Variants in AGRN observed in about 807,000 individuals in gnomAD.
The protein encoded by AGRN is agrin proteoglycan.
In AGRN, 106 loss-of-function variants were observed where a neutral mutation model predicts 211.0. That is an observed-to-expected ratio of 0.50 (90% CI 0.43 to 0.59). The LOEUF (loss-of-function observed/expected upper bound fraction) is 0.59. Among genes scored for constraint, AGRN ranks in the 20% least tolerant of loss-of-function variants. The probability of loss-of-function intolerance (pLI) is 0.00; values close to 1 mark genes in which losing one functional copy is unlikely to be tolerated. For missense variants in AGRN, 3,040 were observed against 2,982.6 expected (o/e 1.02, Z -0.45); for synonymous variants, 1,525 against 1,332.5 (o/e 1.14, Z -3.15).
intron 3 of AGRN, among the ~76,000 whole-genome samples, chr1:1,039,798 TGGG>T (rs1195097744): frequency 9.3e-6 from 1 of 107,092 alleles, no homozygotes; most frequent in African/African-American, 3.6e-5. Flanking sequence ...AAGAGTGAGG[TGGG>T]GGGCCGGGGG....
rs1645083268 is a variant in AGRN at position 1,046,078 on chromosome 1, A to G, written c.2795A>G (p.Asn932Ser). ...VCPMLTCPEANATKVCGSDGV... is the reference protein window; with the variant it reads ...VCPMLTCPEASATKVCGSDGV... ...CCGATGCTCACCTGTCCAGAGGCCA[A>G]CGCTACCAAGGTGAGGGGTGTGGGA... The change falls in exon 16 of 36, where the codon AAC becomes AGC. Residue 932 changes from asparagine (N) to serine (S), a missense_variant. Coordinates refer to ENST00000379370, the MANE Select transcript of AGRN (RefSeq NM_198576.4). 3 of 1,613,928 alleles carry G rather than the reference A, an allele frequency of 1.9e-6. No homozygotes were observed. Among genetic ancestry groups the G allele is most frequent in the Non-Finnish European group, 2.5e-6 (3 of 1,180,014 alleles).
chr1:1,029,628 C>CGTGTGT (rs548115072), intron 2 of AGRN, among the ~76,000 whole-genome samples: 2 of 94,086 alleles, frequency 2.1e-5, no homozygotes, highest in Admixed American at 2.0e-4. Flanking sequence ...GTGAGATCAG[C>CGTGTGT]ATGTGTGTGT....
chr1:1,052,570 G>A (rs910729166), intron 33 of AGRN: 3 of 202,976 alleles, frequency 1.5e-5, no homozygotes, highest in African/African-American at 2.4e-5. Context: ...AGGGAGACAC[G>A]CAGGTGTGTG....
chr1:1,053,991 C>G lies in AGRN; in HGVS notation c.5876+14C>G. On this transcript the variant is annotated intron_variant, in intron 34 of 35. Coordinates refer to ENST00000379370, the MANE Select transcript of AGRN (RefSeq NM_198576.4). ...CGTGGCACATAGGTGAGTAGGGAAC[C>G]CAGCGTGCCGAGAATAGTGGCGAGG... 2 of 1,582,686 alleles carry G rather than the reference C, an allele frequency of 1.3e-6. No homozygotes were observed. The highest frequency in any genetic ancestry group is 2.3e-5 in the South Asian group (2 of 87,272).
At chr1:1,026,076 T>C (rs1320919868) in intron 2 of AGRN, among the ~76,000 whole-genome samples, 1 of 151,810 alleles carries the variant, frequency 6.6e-6, no homozygotes, top group Non-Finnish European at 1.5e-5. Flanking sequence ...GATGACCTCT[T>C]TGAGAGGGCC....
At chr1:1,021,196 C>G (rs1386784718) in intron 1 of AGRN, among the ~76,000 whole-genome samples, 2 of 152,214 alleles carry the variant, frequency 1.3e-5, no homozygotes, top group Non-Finnish European at 2.9e-5. Context: ...GCTGGGCTCC[C>G]CCGCCGGCCC....
chr1:1,049,546 G>A lies in AGRN; in HGVS notation c.4515-20G>A, dbSNP rs370560913. The A allele has an allele frequency of 1.1e-4, 180 of 1,589,518 alleles. No homozygotes were observed. The highest frequency in any genetic ancestry group is 2.8e-4 in the African/African-American group (21 of 74,544). Reference sequence around the variant, plus strand: ...GCCTGTGGCCCCTGAGCCCTGACCCGGTGTCCCTCCTGGTGGCAGGGCGCT... The same window carrying A: ...GCCTGTGGCCCCTGAGCCCTGACCCAGTGTCCCTCCTGGTGGCAGGGCGCT... On this transcript the variant is annotated intron_variant, in intron 25 of 35. Transcript: ENST00000379370.
At chr1:1,020,494 A>G in intron 1 of AGRN, 121 bp downstream of exon 1, 1 of 1,010,720 alleles carries the variant, frequency 9.9e-7, no homozygotes, top group African/African-American at 1.7e-5. Context: ...TCCCTTGGCG[A>G]CCGCCAAGCC....
chr1:1,044,465 A>G (rs369275486), intron 12 of AGRN, 26 bp downstream of exon 12: 64 of 1,588,404 alleles, frequency 4.0e-5, no homozygotes, highest in Non-Finnish European at 5.1e-5. Flanking sequence ...GTGGGGTCTC[A>G]GGCACAGGCG....
rs768600820 is a variant in AGRN, at chr1:1,042,112, C to T, written c.1334C>T (p.Ala445Val). 2 of 1,602,054 alleles carry T rather than the reference C, an allele frequency of 1.2e-6. No individual in the cohort carries two copies. The highest frequency in any genetic ancestry group is 1.1e-5 in the South Asian group (1 of 90,994). Residue 445 changes from alanine to valine, a missense_variant, in exon 7 of 36, where the codon GCT becomes GTT. This residue lies in a region of AGRN where 1,498 missense variants were observed against 1,457.8 expected (regional missense o/e 1.03). Coordinates refer to ENST00000379370, the MANE Select transcript of AGRN (RefSeq NM_198576.4). Reference protein sequence around the residue: ...TYDSDCWRQQAECRQQRAIPS... With the variant: ...TYDSDCWRQQVECRQQRAIPS... ...GACAGTGATTGCTGGCGGCAGCAGGCTGAGTGCCGGCAGCAGCGTGCCATC... is the reference window on the plus strand; with the variant it reads ...GACAGTGATTGCTGGCGGCAGCAGGTTGAGTGCCGGCAGCAGCGTGCCATC...
intron 2 of AGRN, among the ~76,000 whole-genome samples, chr1:1,028,212 G>A (rs1394361531): frequency 6.6e-6 from 1 of 152,114 alleles, no homozygotes; most frequent in Non-Finnish European, 1.5e-5. Flanking sequence ...GGAAGAGAGG[G>A]CTGGGGCGCA....
rs202194761 is a variant in AGRN at position 1,047,865 on chromosome 1, C to A, written c.3721C>A (p.Leu1241Met). The change falls in exon 22 of 36, where the codon CTG (leucine) becomes ATG (methionine). Residue 1241 changes from leucine to methionine, a missense_variant. Coordinates refer to ENST00000379370, the MANE Select transcript of AGRN (RefSeq NM_198576.4). ...CCGGTCCTTGGGGGTGAGGCGGCCG[C>A]TGCAGGAGCACGTGCGATTTATGGA... ...RRRSLGVRRP[L>M]QEHVRFMDFD... is the part of the protein sequence containing the mutation. The A allele has an allele frequency of 3.1e-6, 5 of 1,606,148 alleles. No homozygotes were observed. The African/African-American group carries it at 5.3e-5, about 17-fold the overall frequency.
chr1:1,036,664 C>T (rs960574782), intron 3 of AGRN, among the ~76,000 whole-genome samples: 1 of 152,124 alleles, frequency 6.6e-6, no homozygotes, highest in African/African-American at 2.4e-5. Context: ...GGCTCTAGCC[C>T]TGCAACCTGT....
In AGRN at chr1:1,048,330, G is replaced by A; in HGVS notation, c.4070G>A (p.Cys1357Tyr). The A allele has an allele frequency of 1.4e-5, 21 of 1,475,222 alleles. No individual in the cohort carries two copies. The highest frequency in any genetic ancestry group is 1.9e-5 in the Non-Finnish European group (21 of 1,109,940). 91.4% of individuals were successfully genotyped at this position (1,475,222 alleles called of 1,614,324 possible). ...TTGGGCGGGGGCTTCACCTGCAGCT[G>A]CCCGGCAGGCAGGGGAGGCGCCGTC... ...WALGGGFTCSCPAGRGGAVCE... is the reference protein window; with the variant it reads ...WALGGGFTCSYPAGRGGAVCE... Residue 1357 changes from cysteine (C) to tyrosine (Y), a missense_variant, in exon 23 of 36, where the codon TGC (cysteine) becomes TAC (tyrosine). By Grantham distance (194) the Cys-to-Tyr change is radical. Coordinates refer to ENST00000379370, the MANE Select transcript of AGRN (RefSeq NM_198576.4). The surrounding 1 kb of genome is among the most constrained non-coding windows in gnomAD (Gnocchi z 5.9).
At chr1:1,044,924 C>T (rs777698665) in intron 12 of AGRN, among the ~76,000 whole-genome samples, 6 of 152,148 alleles carry the variant, frequency 3.9e-5, no homozygotes, top group African/African-American at 1.2e-4. Context: ...GCTGCGTGTC[C>T]GTGATCTTTG....
At chr1:1,040,976 C>A (rs866574438) in intron 4 of AGRN, 96 bp downstream of exon 4, 44 of 282,722 alleles carry the variant, frequency 1.6e-4, no homozygotes, top group African/African-American at 4.3e-4. Context: ...GGGGCGGGGG[C>A]AGGGGCGGGG....
At position 1,050,268 on chromosome 1, in the gene AGRN, G is replaced by A. The variant is rs1362706828; in HGVS notation, c.4915G>A (p.Asp1639Asn). 1.9e-6 allele frequency: 3 copies of A among 1,613,066 alleles called. No individual in the cohort carries two copies. Among genetic ancestry groups the A allele is most frequent in the East Asian group, 2.2e-5 (1 of 44,884 alleles). ...GGACGGCTCTGGGCCCTTCCTGGCT[G>A]ACTTCAACGGCTTCTCCCACCTGGA... is the stretch of plus-strand genomic sequence containing the variant. ...GQDGSGPFLA[D>N]FNGFSHLELR... Residue 1639 changes from aspartate to asparagine, a missense_variant, in exon 28 of 36, where the codon GAC becomes AAC. Physicochemically the swap from Asp to Asn is conservative, Grantham distance 23. This residue lies in a region of AGRN where 1,537 missense variants were observed against 1,505.0 expected (regional missense o/e 1.02). Transcript: ENST00000379370.
In AGRN at chr1:1,032,182, G is replaced by A. The variant is rs912686105; in HGVS notation, c.464-3095G>A. Reference sequence around the variant, plus strand: ...CTTTGACAGCTGCTCTGGATGGGACGTGGCTTGGGGTGGGTGAGAACCCTT... The same window carrying A: ...CTTTGACAGCTGCTCTGGATGGGACATGGCTTGGGGTGGGTGAGAACCCTT... On this transcript the variant is annotated intron_variant, in intron 2 of 35. Transcript: ENST00000379370. The surrounding 1 kb of genome is among the most constrained non-coding windows in gnomAD (Gnocchi z 4.7). Among the ~76,000 whole-genome samples the A allele has an allele frequency of 1.3e-5, 2 of 152,188 alleles. No individual in the cohort carries two copies. Among genetic ancestry groups the A allele is most frequent in the African/African-American group, 4.8e-5 (2 of 41,444 alleles).
At chr1:1,042,713 G>A (rs369157409) in intron 7 of AGRN, among the ~76,000 whole-genome samples, 3 of 152,182 alleles carry the variant, frequency 2.0e-5, no homozygotes, top group Non-Finnish European at 2.9e-5. Context: ...GCAGGATGAG[G>A]TGCCGTGCCT....
Sources: allele counts gnomAD v4.1 joint callset (sites outside exome capture counted in the v4.1 genomes callset), GRCh38; gene constraint gnomAD v4.1.1; regional missense constraint gnomAD v4.1.1; non-coding constraint Gnocchi (gnomAD v3.1); transcripts MANE v1.5; gene names NCBI Gene and HGNC (gene_info 2026-07-23, HGNC 2026-07-21).